RPGRIP1L: variants seen among roughly 807,000 people sequenced by gnomAD.
RPGRIP1L encodes protein fantom.
RPGRIP1L carries 131 observed loss-of-function variants against 160.4 expected under a neutral mutation model. The observed-to-expected ratio is 0.82, with a 90% CI of 0.71 to 0.94. The LOEUF (loss-of-function observed/expected upper bound fraction) is 0.94, where lower values mean the gene tolerates loss of function less well. Ranked by LOEUF, RPGRIP1L falls within the 40% of genes least tolerant of loss-of-function variation. RPGRIP1L has a pLI of 0.00. For synonymous variants in RPGRIP1L, 510 were observed against 515.8 expected (o/e 0.99, Z 0.15); for missense variants, 1,522 against 1,535.8 (o/e 0.99, Z 0.15).
In RPGRIP1L at chr16:53,696,210, C is replaced by A. The variant is rs146925098; in HGVS notation, c.171G>T (p.Leu57Phe). 701 of 1,614,038 alleles carry A rather than the reference C, an allele frequency of 4.3e-4. 1 individual carries two copies. In the East Asian group the frequency reaches 6.4e-3, roughly 15 times the overall value. The change falls in exon 3 of 27, where the codon TTG becomes TTT. Residue 57 changes from leucine (L) to phenylalanine (F), a missense_variant. Physicochemically the swap from Leu to Phe is conservative, Grantham distance 22 (BLOSUM62 0). Transcript: ENST00000647211. ...REELEDRFLRLHDENILLKQH... is the reference protein window; with the variant it reads ...REELEDRFLRFHDENILLKQH... ...GTTTAAGTAAAATGTTCTCATCATG[C>A]AAACGCAAAAATCTGTCTTCCAGTT...
chr16:53,601,826 T>C lies in RPGRIP1L; in HGVS notation c.*250A>G, dbSNP rs1963390685. ...TCTCACGCTATCACGTAGGTATAAA[T>C]TATTGAGAAGGTACTGCCCATTATG... On this transcript the variant is annotated 3_prime_UTR_variant, in exon 27 of 27. Transcript: ENST00000647211. 2.3e-6 allele frequency: 1 copy of C among 439,572 alleles called. No individual in the cohort carries two copies. The highest frequency in any genetic ancestry group is 3.9e-5 in the East Asian group (1 of 25,488). The allele number at this position is 439,572 out of a possible 1,614,324, so 27.2% of individuals were successfully genotyped here. A position where few individuals can be genotyped will look rare whatever the true frequency, so the allele number is the denominator to read the frequency against.
At chr16:53,659,058 T>C (rs536982658) in intron 10 of RPGRIP1L, 180 bp from the exon 11 acceptor site, 1 of 639,122 alleles carries the variant, frequency 1.6e-6, no homozygotes, top group African/African-American at 1.8e-5. Flanking sequence ...ATGAACACTA[T>C]CATGTGTCTA....
intron 10 of RPGRIP1L, among the ~76,000 whole-genome samples, chr16:53,662,265 T>A (rs899836452): frequency 2.0e-5 from 3 of 152,162 alleles, no homozygotes; most frequent in Non-Finnish European, 2.9e-5. Context: ...ACCATATGCA[T>A]TATGCTGAAT....
In RPGRIP1L at chr16:53,698,123, C is replaced by T. The variant is rs564219279; in HGVS notation, c.86-1828G>A. On this transcript the variant is annotated intron_variant, in intron 2 of 26. Transcript: ENST00000647211. ...CTGAGAAGGGAGGAGACCCTCCGCC[C>T]GGCAACCGCCCCGTCTGAGAAGTGA... Among the ~76,000 whole-genome samples the T allele has an allele frequency of 1.1e-4, 17 of 150,970 alleles. No individual in the cohort carries two copies. In the East Asian group the frequency reaches 1.8e-3, roughly 16 times the overall value.
chr16:53,635,849 T>A (rs1334487484), intron 22 of RPGRIP1L, among the ~76,000 whole-genome samples: 1 of 152,162 alleles, frequency 6.6e-6, no homozygotes, highest in South Asian at 2.1e-4. Context: ...TGGTAAACAG[T>A]ATACTTCCCA....
intron 6 of RPGRIP1L, among the ~76,000 whole-genome samples, chr16:53,681,156 C>T (rs150909753): frequency 2.6e-5 from 4 of 151,978 alleles, no homozygotes; most frequent in South Asian, 4.2e-4. Context: ...CTCTCTGTTG[C>T]GAGATTTGAC....
rs185397974 is a variant in RPGRIP1L at position 53,648,238 on chromosome 16, T to A, written c.2304+726A>T. ...TGGAACTAATATGAAAATATGGTCA[T>A]TAAGACTCCATGAAACATTGGGAAA... On this transcript the variant is annotated intron_variant, in intron 16 of 26. Coordinates refer to ENST00000647211, the MANE Select transcript of RPGRIP1L (RefSeq NM_015272.5). Among the ~76,000 whole-genome samples the A allele has an allele frequency of 3.7e-4, 57 of 152,246 alleles. No homozygotes were observed. The East Asian group carries it at 7.1e-3, about 19-fold the overall frequency.
chr16:53,627,618 C>A (rs1965265663), intron 22 of RPGRIP1L, among the ~76,000 whole-genome samples: 1 of 152,074 alleles, frequency 6.6e-6, no homozygotes, highest in African/African-American at 2.4e-5. Context: ...CCCAAACATG[C>A]CTTTATATTT....
chr16:53,700,038 A>G (rs544952759), intron 2 of RPGRIP1L, among the ~76,000 whole-genome samples: 2 of 152,344 alleles, frequency 1.3e-5, no homozygotes, highest in South Asian at 2.1e-4. Context: ...CGATACATGC[A>G]TGACAGCATA....
chr16:53,698,671 G>T (rs1971086484), intron 2 of RPGRIP1L, among the ~76,000 whole-genome samples: 2 of 136,022 alleles, frequency 1.5e-5, no homozygotes, highest in South Asian at 4.9e-4. Flanking sequence ...GGGAGGTGGG[G>T]GGGTCAGCCC....
At chr16:53,674,768 T>C (rs1969017547) in intron 7 of RPGRIP1L, among the ~76,000 whole-genome samples, 1 of 152,112 alleles carries the variant, frequency 6.6e-6, no homozygotes, top group African/African-American at 2.4e-5. Context: ...ATAATAAATA[T>C]GGTTATTATT....
chr16:53,680,087 G>T (rs2151287070), intron 6 of RPGRIP1L, among the ~76,000 whole-genome samples: 1 of 152,138 alleles, frequency 6.6e-6, no homozygotes, highest in Middle Eastern at 3.4e-3. Flanking sequence ...TCATATACTA[G>T]TAACTATTAT....
chr16:53,696,088 A>G, intron 3 of RPGRIP1L, 63 bp downstream of exon 3: 1 of 1,520,652 alleles, frequency 6.6e-7, no homozygotes. Context: ...TAAGTTTATA[A>G]AATACCATAC....
At chr16:53,689,329 A>G (rs958511185) in intron 4 of RPGRIP1L, among the ~76,000 whole-genome samples, 3 of 152,062 alleles carry the variant, frequency 2.0e-5, no homozygotes, top group African/African-American at 4.8e-5. Flanking sequence ...ATAAAACACT[A>G]GAACTTTTTC....
intron 19 of RPGRIP1L, 108 bp from the exon 20 acceptor site, chr16:53,638,519 AAC>A (rs926535724): frequency 6.6e-5 from 42 of 637,932 alleles, no homozygotes; most frequent in African/African-American, 6.4e-4. Flanking sequence ...CAGCAAATGT[AAC>A]AGTTACTCAT....
At chr16:53,630,858 G>A (rs545616003) in intron 22 of RPGRIP1L, among the ~76,000 whole-genome samples, 9 of 151,794 alleles carry the variant, frequency 5.9e-5, no homozygotes, top group Non-Finnish European at 1.0e-4. Flanking sequence ...CTCCCCTCCC[G>A]AGTAGCTGGA....
At chr16:53,629,107 A>ACT (rs1965351481) in intron 22 of RPGRIP1L, among the ~76,000 whole-genome samples, 1 of 151,874 alleles carries the variant, frequency 6.6e-6, no homozygotes, top group South Asian at 2.1e-4. Context: ...TTGATATGCT[A>ACT]CTCTCCTTTC....
At chr16:53,632,467 C>T (rs1322872588) in intron 22 of RPGRIP1L, among the ~76,000 whole-genome samples, 1 of 152,152 alleles carries the variant, frequency 6.6e-6, no homozygotes, top group Non-Finnish European at 1.5e-5. Flanking sequence ...ATGCAAACTC[C>T]TTAAGATCAG....
intron 17 of RPGRIP1L, among the ~76,000 whole-genome samples, chr16:53,644,184 A>G (rs1966409516): frequency 6.6e-6 from 1 of 152,280 alleles, no homozygotes; most frequent in Non-Finnish European, 1.5e-5. Flanking sequence ...AAGTATAATT[A>G]CTGCAATGAA....
Sources: gnomAD v4.1 joint callset for allele counts (sites outside exome capture counted in the v4.1 genomes callset) on GRCh38, gnomAD v4.1.1 for gene constraint, MANE v1.5 for transcripts, NCBI Gene and HGNC (gene_info 2026-07-23, HGNC 2026-07-21) for gene names.